Variants in KIF1B observed in about 807,000 individuals in gnomAD.
The protein encoded by KIF1B is kinesin family member 1B, also known as kinesin-like protein KIF1B.
In KIF1B, 76 loss-of-function variants were observed where a neutral mutation model predicts 241.9. The observed-to-expected ratio is 0.31, with a 90% CI of 0.26 to 0.38. The LOEUF is 0.38. Among genes scored for constraint, KIF1B ranks in the 10% least tolerant of loss-of-function variants. The pLI is 1.00. For missense variants in KIF1B, 1,622 were observed against 2,271.4 expected, an observed-to-expected ratio of 0.71 and a Z score of 5.81; for synonymous variants, 750 against 796.7, an observed-to-expected ratio of 0.94 and a Z score of 0.99.
At chr1:10,242,127 T>C (rs911004445) in intron 2 of KIF1B, among the ~76,000 whole-genome samples, 1 of 151,998 alleles carries the variant, frequency 6.6e-6, no homozygotes, top group African/African-American at 2.4e-5. Context: ...TATAGGAAAT[T>C]AGGTTTTTGT....
At chr1:10,272,110 G>T in intron 8 of KIF1B, 131 bp from the exon 9 acceptor site, 1 of 702,980 alleles carries the variant, frequency 1.4e-6, no homozygotes. Flanking sequence ...ACAGATGGAG[G>T]ACTAAAGGTT....
chr1:10,274,361 A>G (rs1648989757), intron 10 of KIF1B, among the ~76,000 whole-genome samples: 1 of 152,030 alleles, frequency 6.6e-6, no homozygotes, highest in African/African-American at 2.4e-5. Flanking sequence ...TTTTTCATTT[A>G]AGCACTGCCT....
In KIF1B at chr1:10,326,414, C is replaced by A. The variant is rs1651726271; in HGVS notation, c.2924+55C>A. 2 of 1,610,548 alleles carry A rather than the reference C, an allele frequency of 1.2e-6. No individual in the cohort carries two copies. The highest frequency in any genetic ancestry group is 4.5e-5 in the East Asian group (2 of 44,864). ...AAGGGACCAGCTCTTGCTCTGAAGGCCTCCCTGCTTGCACAATTTTGGATA... is the reference window on the plus strand; with the variant it reads ...AAGGGACCAGCTCTTGCTCTGAAGGACTCCCTGCTTGCACAATTTTGGATA... On this transcript the variant is annotated intron_variant, in intron 27 of 48. Transcript: ENST00000676179. The surrounding 1 kb of genome is among the most constrained non-coding windows in gnomAD (Gnocchi z 5.2).
In KIF1B at chr1:10,304,227, G is replaced by A. The variant is rs750182438; in HGVS notation, c.2115+6981G>A. On this transcript the variant is annotated intron_variant, in intron 22 of 48. Coordinates refer to ENST00000676179, the MANE Select transcript of KIF1B (RefSeq NM_001365951.3). ...AAAAAGGGGGTAAAGGAGCTTTTAA[G>A]GATCCCCAGTTTCCATGGGGCTCTC... 3 of 1,614,160 alleles carry A rather than the reference G, an allele frequency of 1.9e-6. No individual in the cohort carries two copies. The South Asian group carries it at 3.3e-5, about 18-fold the overall frequency.
In KIF1B at chr1:10,371,092, G is replaced by A. The variant is rs752507323; in HGVS notation, c.4825-49G>A. The A allele has an allele frequency of 2.5e-6, 4 of 1,613,058 alleles. No homozygotes were observed. The African/African-American group carries it at 5.3e-5, about 22-fold the overall frequency. Reference sequence around the variant, plus strand: ...GAAACTCCCTATTGTTACTGTAGAGGCAGCTTTTTTCAGCTGAATGTAACT... The same window carrying A: ...GAAACTCCCTATTGTTACTGTAGAGACAGCTTTTTTCAGCTGAATGTAACT... On this transcript the variant is annotated intron_variant, in intron 44 of 48. Transcript: ENST00000676179.
rs765837598 is a variant in KIF1B at position 10,352,626 on chromosome 1, T to C, written c.3950-5T>C. 3.1e-6 allele frequency: 5 copies of C among 1,610,440 alleles called. No homozygotes were observed. Among genetic ancestry groups the C allele is most frequent in the Non-Finnish European group, 8.5e-7 (1 of 1,176,744 alleles). On this transcript the variant is annotated splice_region_variant and splice_polypyrimidine_tract_variant and intron_variant, in intron 37 of 48. Coordinates refer to ENST00000676179, the MANE Select transcript of KIF1B (RefSeq NM_001365951.3). ...GTGCTCTGTTTTTTTTATCCTTTCT[T>C]TTAGGTCGTATTCGGAATAAGCCTG...
At chr1:10,218,037 G>T (rs1426864562) in intron 1 of KIF1B, among the ~76,000 whole-genome samples, 1 of 152,104 alleles carries the variant, frequency 6.6e-6, no homozygotes, top group Non-Finnish European at 1.5e-5. Flanking sequence ...GGGCTGGGGG[G>T]AGGAAAATCC....
At chr1:10,361,849 T>TTGTGTTTG (rs1408817570) in intron 40 of KIF1B, 24 bp downstream of exon 40, 1 of 1,612,156 alleles carries the variant, frequency 6.2e-7, no homozygotes, top group African/African-American at 1.3e-5. Context: ...ACAAGTTAGC[T>TTGTGTTTG]TCCAGTGTGT....
Position 10,295,675 on chromosome 1 carries a change from T to C in KIF1B, c.1686T>C (p.Asp562=). 6.2e-7 allele frequency: 1 copy of C among 1,613,790 alleles called. No individual in the cohort carries two copies. The highest frequency in any genetic ancestry group is 8.5e-7 in the Non-Finnish European group (1 of 1,179,898). The change falls in exon 19 of 49, where the codon GAT becomes GAC. Residue 562 remains aspartate (D), a synonymous_variant. Coordinates refer to ENST00000676179, the MANE Select transcript of KIF1B (RefSeq NM_001365951.3). ...KDGITRVGQA[D]AERRQDIVLS... ...TTGTGTTCAGGGTTGGCCAAGCAGA[T>C]GCTGAGCGGCGCCAGGACATAGTGC...
chr1:10,223,524 GT>G (rs1306964607), intron 1 of KIF1B, among the ~76,000 whole-genome samples: 46 of 137,076 alleles, frequency 3.4e-4, no homozygotes, highest in South Asian at 9.6e-4. Flanking sequence ...TTGCAAGGTG[GT>G]TTTTTTTTTT....
intron 17 of KIF1B, among the ~76,000 whole-genome samples, chr1:10,292,635 C>T (rs1650053822): frequency 6.6e-6 from 1 of 152,218 alleles, no homozygotes; most frequent in Non-Finnish European, 1.5e-5. Flanking sequence ...GACTCCTCTG[C>T]TTCCTTCTTC....
At position 10,248,348 on chromosome 1, in the gene KIF1B, C is replaced by T. The variant is rs1043587642; in HGVS notation, c.107-7899C>T. Among the ~76,000 whole-genome samples, 10 of 152,028 alleles carry T rather than the reference C, an allele frequency of 6.6e-5. No individual in the cohort carries two copies. In the East Asian group the frequency reaches 1.4e-3, roughly 21 times the overall value. On this transcript the variant is annotated intron_variant, in intron 2 of 48. Coordinates refer to ENST00000676179, the MANE Select transcript of KIF1B (RefSeq NM_001365951.3). ...CTGAATAACTGGGACTACAGGCGCA[C>T]GCTACCATACTTGGCTAATTTTTTG...
Position 10,365,588 on chromosome 1 carries a change from T to C in KIF1B, c.4692T>C (p.Ser1564=), listed in dbSNP as rs2102350508. The C allele has an allele frequency of 6.2e-7, 1 of 1,614,134 alleles. No homozygotes were observed. The highest frequency in any genetic ancestry group is 8.5e-7 in the Non-Finnish European group (1 of 1,180,026). Residue 1564 remains serine, a synonymous_variant, in exon 43 of 49, where the codon AGT becomes AGC. Transcript: ENST00000676179. The surrounding 1 kb of genome is among the most constrained non-coding windows in gnomAD (Gnocchi z 4.0). The stretch of plus-strand genomic sequence containing the variant: ...GCGCCATCACACCTAGCGAGAGCAG[T>C]GGCTATGATTCAGGAGACATCGAAA... ...FESAITPSES[S]GYDSGDIESL...
chr1:10,275,296 G>A (rs1649040109), intron 10 of KIF1B, 132 bp from the exon 11 acceptor site: 3 of 649,870 alleles, frequency 4.6e-6, no homozygotes, highest in Non-Finnish European at 8.3e-6. Flanking sequence ...TTGAAACTAT[G>A]AATGATAAAC....
intron 17 of KIF1B, among the ~76,000 whole-genome samples, chr1:10,292,995 G>A (rs922921257): frequency 6.6e-6 from 1 of 151,780 alleles, no homozygotes; most frequent in Non-Finnish European, 1.5e-5. Flanking sequence ...GGGGTGGTGA[G>A]TTTTGAATTG....
intron 38 of KIF1B, among the ~76,000 whole-genome samples, chr1:10,359,531 GA>G (rs943910394): frequency 6.6e-6 from 1 of 151,350 alleles, no homozygotes; most frequent in Non-Finnish European, 1.5e-5. Flanking sequence ...TTTACCAGTA[GA>G]AAAAAAACGA....
intron 22 of KIF1B, among the ~76,000 whole-genome samples, chr1:10,300,259 A>C (rs925166672): frequency 6.1e-5 from 9 of 148,600 alleles, no homozygotes; most frequent in Non-Finnish European, 1.3e-4. Flanking sequence ...TAATAATAAT[A>C]ATAATAATAT....
At chr1:10,320,694 CTT>C (rs1421958087) in intron 23 of KIF1B, among the ~76,000 whole-genome samples, 1 of 151,162 alleles carries the variant, frequency 6.6e-6, no homozygotes, top group East Asian at 1.9e-4. Context: ...TGAAGGAACT[CTT>C]AATTTATGTA....
chr1:10,249,898 G>A (rs146761513), intron 2 of KIF1B, among the ~76,000 whole-genome samples: 5 of 152,310 alleles, frequency 3.3e-5, no homozygotes, highest in Non-Finnish European at 7.4e-5. Context: ...GCAAGACCCT[G>A]TCTCTAAAAG....
Sources: gnomAD v4.1 joint callset for allele counts (sites outside exome capture counted in the v4.1 genomes callset) on GRCh38, gnomAD v4.1.1 for gene constraint, Gnocchi (gnomAD v3.1) non-coding constraint, MANE v1.5 for transcripts, NCBI Gene and HGNC (gene_info 2026-07-23, HGNC 2026-07-21) for gene names.